The following PDE8A variants were observed in gnomAD, a reference collection of about 807,000 sequenced individuals.
PDE8A encodes the protein high affinity cAMP-specific and IBMX-insensitive 3',5'-cyclic phosphodiesterase 8A.
PDE8A carries 59 observed loss-of-function variants against 105.0 expected under a neutral mutation model. The ratio of observed to expected loss-of-function variants is 0.56; its 90% CI spans 0.46 to 0.70. The LOEUF is 0.70. Ranked by LOEUF, PDE8A falls within the 30% of genes least tolerant of loss-of-function variation. The pLI, the probability that PDE8A is intolerant of heterozygous loss-of-function variation, is 0.00. For missense variants in PDE8A, 1,014 were observed against 1,045.9 expected, an observed-to-expected ratio of 0.97 and a Z score of 0.42; for synonymous variants, 355 against 371.9, an observed-to-expected ratio of 0.95 and a Z score of 0.52.
intron 2 of PDE8A, among the ~76,000 whole-genome samples, chr15:85,066,690 A>G (rs1596485079): frequency 6.6e-6 from 1 of 151,096 alleles, no homozygotes; most frequent in Non-Finnish European, 1.5e-5. Flanking sequence ...TGTAATCCCA[A>G]CACTTTGGGA....
chr15:85,024,147 A>G (rs1318553205), intron 1 of PDE8A, among the ~76,000 whole-genome samples: 1 of 152,060 alleles, frequency 6.6e-6, no homozygotes, highest in Non-Finnish European at 1.5e-5. Context: ...CTTCCGGGAA[A>G]TCTTTCTTGA....
At chr15:84,994,506 G>C (rs1011501748) in intron 1 of PDE8A, among the ~76,000 whole-genome samples, 1 of 152,084 alleles carries the variant, frequency 6.6e-6, no homozygotes, top group African/African-American at 2.4e-5. Flanking sequence ...AACATTTTAT[G>C]AAAAATCTCA....
At position 85,136,429 on chromosome 15, in the gene PDE8A, A is replaced by C. The variant is rs1215444164; in HGVS notation, c.2254-105A>C. On this transcript the variant is annotated intron_variant, in intron 20 of 21. Transcript: ENST00000394553. ...TGGTGATTGGCTTCTCACCATGACA[A>C]GCCACCTTAGGCTGCCAGGAGAAGC... The C allele has an allele frequency of 3.2e-6, 4 of 1,243,464 alleles. No homozygotes were observed. In the Admixed American group the frequency reaches 8.8e-5, roughly 27 times the overall value. The allele number at this position is 1,243,464 out of a possible 1,614,324, so 77.0% of individuals were successfully genotyped here.
intron 1 of PDE8A, among the ~76,000 whole-genome samples, chr15:85,060,334 A>G (rs2081123912): frequency 6.6e-6 from 1 of 152,190 alleles, no homozygotes; most frequent in African/African-American, 2.4e-5. Flanking sequence ...CACCCTTTTC[A>G]GTTATTGATG....
chr15:85,040,386 A>G lies in PDE8A; in HGVS notation c.187-23984A>G, dbSNP rs376407218. Among the ~76,000 whole-genome samples, 1,441 of 150,356 alleles carry G rather than the reference A, an allele frequency of 9.6e-3. 38 individuals are homozygous for G. Among genetic ancestry groups the G allele is most frequent in the Admixed American group, 0.049 (738 of 14,968 alleles). On this transcript the variant is annotated intron_variant, in intron 1 of 21. Transcript: ENST00000394553. Reference sequence around the variant, plus strand: ...CCTCTTCTCTAAAAAAAAAAAAAAAAAAAAGAAAAGAAAAGAAAAAACATT... The same window carrying G: ...CCTCTTCTCTAAAAAAAAAAAAAAAGAAAAGAAAAGAAAAGAAAAAACATT...
chr15:85,000,550 TG>T (rs11300141), intron 1 of PDE8A, among the ~76,000 whole-genome samples: 9,068 of 152,314 alleles, frequency 0.06, 368 homozygotes, highest in Non-Finnish European at 0.096. Flanking sequence ...TAATGTAGGC[TG>T]GCTGGAGGTG....
intron 6 of PDE8A, among the ~76,000 whole-genome samples, chr15:85,084,227 T>A (rs2081513073): frequency 6.6e-6 from 1 of 152,182 alleles, no homozygotes; most frequent in African/African-American, 2.4e-5. Flanking sequence ...TTTCCTTTAC[T>A]AGGGATCAAA....
intron 21 of PDE8A, 142 bp downstream of exon 21, chr15:85,136,805 G>A (rs2141664144): frequency 1.4e-6 from 1 of 724,606 alleles, no homozygotes; most frequent in Non-Finnish European, 2.2e-6. Context: ...ATCACCGAGG[G>A]CCCCTGAGGG....
intron 18 of PDE8A, 99 bp from the exon 19 acceptor site, chr15:85,122,962 T>G (rs2082204220): frequency 8.2e-7 from 1 of 1,220,894 alleles, no homozygotes; most frequent in African/African-American, 1.5e-5. Context: ...GATTTATAGC[T>G]GCAGAGGACA....
intron 2 of PDE8A, among the ~76,000 whole-genome samples, chr15:85,065,449 A>T (rs929549242): frequency 1.3e-5 from 2 of 150,808 alleles, no homozygotes; most frequent in African/African-American, 2.5e-5. Context: ...AACCTGCACA[A>T]TGTGCACATG....
chr15:85,025,599 A>G (rs2080503406), intron 1 of PDE8A, among the ~76,000 whole-genome samples: 1 of 152,158 alleles, frequency 6.6e-6, no homozygotes, highest in Non-Finnish European at 1.5e-5. Flanking sequence ...CCTCTTTTTT[A>G]GACTGCTAAT....
chr15:85,005,412 A>G (rs540159614), intron 1 of PDE8A, among the ~76,000 whole-genome samples: 6 of 152,196 alleles, frequency 3.9e-5, no homozygotes, highest in Non-Finnish European at 8.8e-5. Flanking sequence ...CACTGTGCCC[A>G]GCTGTTATTA....
At chr15:85,081,174 T>C (rs374234252) in intron 5 of PDE8A, among the ~76,000 whole-genome samples, 2 of 152,162 alleles carry the variant, frequency 1.3e-5, no homozygotes, top group South Asian at 2.1e-4. Flanking sequence ...CATAATGATA[T>C]CTCTGGTACA....
intron 16 of PDE8A, 92 bp from the exon 17 acceptor site, chr15:85,117,548 CT>C: frequency 9.4e-7 from 1 of 1,059,942 alleles, no homozygotes; most frequent in South Asian, 1.3e-5. Flanking sequence ...GCCCTGCACT[CT>C]CTGAAATTTG....
At chr15:85,043,967 G>C (rs547329849) in intron 1 of PDE8A, among the ~76,000 whole-genome samples, 1 of 152,194 alleles carries the variant, frequency 6.6e-6, no homozygotes, top group Non-Finnish European at 1.5e-5. Flanking sequence ...AAAGTGCTGG[G>C]ATTACAGGCG....
chr15:85,049,594 A>G (rs966734634), intron 1 of PDE8A, among the ~76,000 whole-genome samples: 4 of 152,086 alleles, frequency 2.6e-5, no homozygotes, highest in African/African-American at 9.7e-5. Context: ...TTTATTCTTT[A>G]TTTTTTAAAG....
At chr15:85,137,555 CTGTTT>C (rs1429488585) in intron 21 of PDE8A, among the ~76,000 whole-genome samples, 1 of 152,186 alleles carries the variant, frequency 6.6e-6, no homozygotes, top group African/African-American at 2.4e-5. Context: ...TAGCCACCTT[CTGTTT>C]TATTTACCAC....
chr15:84,980,852 T>A (rs969970895), upstream of PDE8A, among the ~76,000 whole-genome samples: 1 of 152,150 alleles, frequency 6.6e-6, no homozygotes, highest in African/African-American at 2.4e-5. Flanking sequence ...GACGGGCGCC[T>A]GCAGCCTGCC....
At chr15:84,988,586 C>T (rs897044373) in intron 1 of PDE8A, among the ~76,000 whole-genome samples, 1 of 152,216 alleles carries the variant, frequency 6.6e-6, no homozygotes, top group African/African-American at 2.4e-5. Context: ...TTCAGGCAGC[C>T]TGCCCTACCA....
Sources: allele counts gnomAD v4.1 joint callset (sites outside exome capture counted in the v4.1 genomes callset), GRCh38; gene constraint gnomAD v4.1.1; transcripts MANE v1.5; gene names NCBI Gene and HGNC (gene_info 2026-07-23, HGNC 2026-07-21).